The following KIF6 variants were observed in gnomAD, a reference collection of about 807,000 sequenced individuals.
The protein encoded by KIF6 is kinesin-like protein KIF6.
Under a neutral mutation model 112.7 loss-of-function variants are expected in KIF6, and 106 were observed. The ratio of observed to expected loss-of-function variants is 0.94; its 90% CI spans 0.80 to 1.11. KIF6 has a LOEUF of 1.11. Among genes scored for constraint, KIF6 ranks in the 50% least tolerant of loss-of-function variants. KIF6 has a pLI of 0.00. For synonymous variants in KIF6, 339 were observed against 339.9 expected (o/e 1.00, Z 0.03); for missense variants, 929 against 964.0 (o/e 0.96, Z 0.48).
intron 19 of KIF6, among the ~76,000 whole-genome samples, chr6:39,349,350 G>A (rs778893793): frequency 7.2e-5 from 11 of 152,096 alleles, no homozygotes; most frequent in African/African-American, 1.9e-4. Flanking sequence ...AGATGCCGGC[G>A]GATAAAGGCT....
chr6:39,462,919 A>T (rs1490101523), intron 13 of KIF6, among the ~76,000 whole-genome samples: 2 of 152,302 alleles, frequency 1.3e-5, no homozygotes, highest in African/African-American at 4.8e-5. Flanking sequence ...AGCATGGATC[A>T]AATATTCAAC....
intron 13 of KIF6, among the ~76,000 whole-genome samples, chr6:39,533,501 C>T (rs953725698): frequency 2.6e-5 from 4 of 152,214 alleles, no homozygotes; most frequent in African/African-American, 9.6e-5. Flanking sequence ...GTAAACAAAG[C>T]AGCCGGGAAG....
At chr6:39,404,669 T>C (rs553917201) in intron 15 of KIF6, among the ~76,000 whole-genome samples, 186 of 152,302 alleles carry the variant, frequency 1.2e-3, no homozygotes, top group Non-Finnish European at 2.3e-3. Context: ...GGTCTTTCCA[T>C]ACAAATTTTG....
rs772417796 is a variant in KIF6 at position 39,336,487 on chromosome 6, T to A, written c.*45A>T. The A allele has an allele frequency of 8.1e-6, 13 of 1,602,604 alleles. No individual in the cohort carries two copies. Among genetic ancestry groups the A allele is most frequent in the Non-Finnish European group, 1.0e-5 (12 of 1,169,642 alleles). Reference sequence around the variant, plus strand: ...TGAGGGGCGCTGCCTTCATCTGTGCTTCATTCTTGCTGGCATAATTCATGG... The same window carrying A: ...TGAGGGGCGCTGCCTTCATCTGTGCATCATTCTTGCTGGCATAATTCATGG... On this transcript the variant is annotated 3_prime_UTR_variant, in exon 23 of 23. Coordinates refer to ENST00000287152, the MANE Select transcript of KIF6 (RefSeq NM_145027.6).
At chr6:39,719,254 A>C (rs1790057438) in intron 2 of KIF6, among the ~76,000 whole-genome samples, 1 of 152,034 alleles carries the variant, frequency 6.6e-6, no homozygotes, top group Non-Finnish European at 1.5e-5. Flanking sequence ...GGGAGGCGGA[A>C]GTTGTAGTGA....
chr6:39,495,472 C>A (rs928739350), intron 13 of KIF6, among the ~76,000 whole-genome samples: 1 of 152,160 alleles, frequency 6.6e-6, no homozygotes, highest in African/African-American at 2.4e-5. Flanking sequence ...GAGGCGATTG[C>A]CATCTTAATA....
chr6:39,346,302 G>A lies in KIF6; in HGVS notation c.2231+174C>T. The A allele has an allele frequency of 7.2e-6, 5 of 695,392 alleles. No homozygotes were observed. In the South Asian group the frequency reaches 7.5e-5, roughly 10 times the overall value. 43.1% of individuals were successfully genotyped at this position (695,392 alleles called of 1,614,324 possible). A position where few individuals can be genotyped will look rare whatever the true frequency, so the allele number is the denominator to read the frequency against. ...TCATGTGTTGAACCTAATCTCCAAT[G>A]TAATGGTAGTAGAGGTGGGGCCTTT... On this transcript the variant is annotated intron_variant, in intron 20 of 22. Transcript: ENST00000287152.
chr6:39,689,903 C>T (rs924777660), intron 3 of KIF6: 1 of 152,204 alleles, frequency 6.6e-6, no homozygotes, highest in East Asian at 1.9e-4. Flanking sequence ...TCAACCATCG[C>T]ACCCAGTCAG....
chr6:39,421,652 G>C (rs1770371003), intron 14 of KIF6, among the ~76,000 whole-genome samples: 1 of 152,326 alleles, frequency 6.6e-6, no homozygotes, highest in Admixed American at 6.5e-5. Context: ...GTGGACAGGA[G>C]GTTTCCAGGG....
chr6:39,429,070 C>T (rs1156543343), intron 14 of KIF6, among the ~76,000 whole-genome samples: 1 of 152,206 alleles, frequency 6.6e-6, no homozygotes, highest in Non-Finnish European at 1.5e-5. Context: ...GGCTGGACTG[C>T]CGTCCATATA....
intron 5 of KIF6, among the ~76,000 whole-genome samples, chr6:39,631,402 C>T (rs2150752374): frequency 6.6e-6 from 1 of 152,176 alleles, no homozygotes; most frequent in Middle Eastern, 3.4e-3. Flanking sequence ...CACCTTTACA[C>T]ATTTGTTAGC....
At chr6:39,583,159 C>CAAAA (rs1554130252) in intron 9 of KIF6, 7 of 254,310 alleles carry the variant, frequency 2.8e-5, no homozygotes, top group East Asian at 1.9e-4. Flanking sequence ...AACAAACAAA[C>CAAAA]AAAAACAAAA....
intron 12 of KIF6, among the ~76,000 whole-genome samples, chr6:39,541,302 C>G (rs988625735): frequency 2.6e-5 from 4 of 152,342 alleles, no homozygotes; most frequent in Non-Finnish European, 5.9e-5. Flanking sequence ...CAGGTTTGCT[C>G]TCTCTGATGT....
At chr6:39,389,562 C>G (rs1003133978) in intron 15 of KIF6, among the ~76,000 whole-genome samples, 1 of 152,162 alleles carries the variant, frequency 6.6e-6, no homozygotes, top group African/African-American at 2.4e-5. Flanking sequence ...TGTGCTCTTT[C>G]TTTTAAGTGC....
At position 39,342,455 on chromosome 6, in the gene KIF6, G is replaced by A. The variant is rs1369470799; in HGVS notation, c.2428+1254C>T. Among the ~76,000 whole-genome samples the A allele has an allele frequency of 2.0e-5, 3 of 152,288 alleles. No individual in the cohort carries two copies. Among genetic ancestry groups the A allele is most frequent in the East Asian group, 3.9e-4 (2 of 5,188 alleles). ...GTTCTCTGCTGTAGCACCAGCACTA[G>A]TAGTAGTGCCTGGCATAAGAAGGCA... On this transcript the variant is annotated intron_variant, in intron 22 of 22. Transcript: ENST00000287152. This position sits in a 1 kb window ranked among gnomAD's most constrained non-coding sequence, Gnocchi z 4.7.
In KIF6 at chr6:39,342,314, C is replaced by A. The variant is rs1171986762; in HGVS notation, c.2428+1395G>T. ...CTGTCTACAACATTACATAGTTTAG[C>A]TATTTCATAGCACTTATTATCCCCT... On this transcript the variant is annotated intron_variant, in intron 22 of 22. Coordinates refer to ENST00000287152, the MANE Select transcript of KIF6 (RefSeq NM_145027.6). This position sits in a 1 kb window ranked among gnomAD's most constrained non-coding sequence, Gnocchi z 4.7. 6.6e-6 allele frequency among the ~76,000 whole-genome samples: 1 copy of A among 152,222 alleles called. No homozygotes were observed. Among genetic ancestry groups the A allele is most frequent in the African/African-American group, 2.4e-5 (1 of 41,464 alleles).
At chr6:39,697,567 G>C (rs1458532389) in intron 3 of KIF6, among the ~76,000 whole-genome samples, 1 of 147,142 alleles carries the variant, frequency 6.8e-6, no homozygotes, top group African/African-American at 2.5e-5. Flanking sequence ...TTTTGAGACA[G>C]AGTCTTGCTC....
chr6:39,578,643 T>A (rs1781118344), intron 9 of KIF6, among the ~76,000 whole-genome samples: 1 of 152,130 alleles, frequency 6.6e-6, no homozygotes, highest in Admixed American at 6.5e-5. Flanking sequence ...ATAATTTTTT[T>A]TAAAACAAAT....
intron 3 of KIF6, chr6:39,690,393 C>T (rs1480592214): frequency 6.6e-6 from 1 of 152,028 alleles, no homozygotes; most frequent in East Asian, 1.9e-4. Flanking sequence ...CTTCATTCTG[C>T]AGACAATAGT....
Sources: gnomAD v4.1 joint callset for allele counts (sites outside exome capture counted in the v4.1 genomes callset) on GRCh38, gnomAD v4.1.1 for gene constraint, Gnocchi (gnomAD v3.1) non-coding constraint, MANE v1.5 for transcripts, NCBI Gene and HGNC (gene_info 2026-07-23, HGNC 2026-07-21) for gene names.